Variants in GNPTAB observed in about 807,000 individuals in gnomAD.
The protein encoded by GNPTAB is N-acetylglucosamine-1-phosphate transferase subunits alpha and beta.
A neutral mutation model predicts 136.6 loss-of-function variants in GNPTAB; 92 were observed. The observed-to-expected ratio is 0.67, with a 90% CI of 0.57 to 0.80. GNPTAB has a LOEUF of 0.80. Ranked by LOEUF, GNPTAB falls within the 30% of genes least tolerant of loss-of-function variation. GNPTAB has a pLI of 0.00. For missense variants in GNPTAB, 1,343 were observed against 1,501.8 expected, an observed-to-expected ratio of 0.89 and a Z score of 1.75; for synonymous variants, 512 against 535.1, an observed-to-expected ratio of 0.96 and a Z score of 0.60.
At chr12:101,783,627 G>T (rs1253257608) in intron 5 of GNPTAB, among the ~76,000 whole-genome samples, 5 of 152,214 alleles carry the variant, frequency 3.3e-5, no homozygotes, top group African/African-American at 1.2e-4. Flanking sequence ...GAATATGTGA[G>T]TGCTGAGGTA....
intron 1 of GNPTAB, among the ~76,000 whole-genome samples, chr12:101,806,199 A>G (rs1566095005): frequency 6.6e-6 from 1 of 152,204 alleles, no homozygotes; most frequent in Non-Finnish European, 1.5e-5. Context: ...AATCAAAACT[A>G]TTAGTCTGGA....
At chr12:101,793,359 G>A (rs142775330) in intron 2 of GNPTAB, among the ~76,000 whole-genome samples, 1,990 of 152,256 alleles carry the variant, frequency 0.013, 24 homozygotes, top group Non-Finnish European at 0.02. Flanking sequence ...GGTTAAAGGA[G>A]AGGAGAATTA....
At chr12:101,770,622 C>T in intron 8 of GNPTAB, 37 bp from the exon 9 acceptor site, 1 of 1,419,322 alleles carries the variant, frequency 7.0e-7, no homozygotes, top group Non-Finnish European at 9.9e-7. Flanking sequence ...ATGTGAAATA[C>T]CCCTTAAGTC....
At chr12:101,760,175 G>A in intron 15 of GNPTAB, 32 bp from the exon 16 acceptor site, 4 of 1,298,732 alleles carry the variant, frequency 3.1e-6, no homozygotes, top group Middle Eastern at 1.8e-4. Flanking sequence ...AATCTGTTAT[G>A]CGCATTGTAA....
chr12:101,762,179 C>T (rs1002925475), intron 13 of GNPTAB, among the ~76,000 whole-genome samples: 10 of 152,112 alleles, frequency 6.6e-5, no homozygotes, highest in South Asian at 2.1e-4. Flanking sequence ...GAGTTTTAAG[C>T]GCAAGGACTA....
At chr12:101,816,340 C>G (rs760749629) in intron 1 of GNPTAB, among the ~76,000 whole-genome samples, 5 of 152,106 alleles carry the variant, frequency 3.3e-5, no homozygotes, top group Admixed American at 6.5e-5. Flanking sequence ...TCAAACAACT[C>G]AATGGCATAA....
At chr12:101,759,520 T>C (rs1952960116) in intron 16 of GNPTAB, among the ~76,000 whole-genome samples, 1 of 152,202 alleles carries the variant, frequency 6.6e-6, no homozygotes, top group Non-Finnish European at 1.5e-5. Context: ...TCTATGATTT[T>C]CTTCACATTA....
chr12:101,801,830 G>C (rs1249931217), intron 1 of GNPTAB, among the ~76,000 whole-genome samples: 1 of 152,004 alleles, frequency 6.6e-6, no homozygotes, highest in Admixed American at 6.6e-5. Context: ...ATCGATTGAA[G>C]TCGGGCATTC....
chr12:101,759,780 C>A (rs1952964449), intron 16 of GNPTAB, among the ~76,000 whole-genome samples: 1 of 152,184 alleles, frequency 6.6e-6, no homozygotes, highest in Admixed American at 6.5e-5. Flanking sequence ...TTTTCTGTCA[C>A]CCTTAGTAAA....
At chr12:101,811,261 T>C (rs1164647586) in intron 1 of GNPTAB, among the ~76,000 whole-genome samples, 1 of 152,248 alleles carries the variant, frequency 6.6e-6, no homozygotes, top group Non-Finnish European at 1.5e-5. Context: ...CTGTCTCAGC[T>C]ATTTAATTCT....
At chr12:101,810,705 A>G (rs759827028) in intron 1 of GNPTAB, 1 of 151,758 alleles carries the variant, frequency 6.6e-6, no homozygotes, top group Non-Finnish European at 1.5e-5. Context: ...ATCAACATAC[A>G]ATTTCAGACT....
At chr12:101,826,360 A>C (rs1444992548) in intron 1 of GNPTAB, among the ~76,000 whole-genome samples, 3 of 152,172 alleles carry the variant, frequency 2.0e-5, no homozygotes, top group East Asian at 3.8e-4. Context: ...CCATACCCCC[A>C]CACACAGATA....
chr12:101,766,221 C>T lies in GNPTAB; in HGVS notation c.1482G>A (p.Gln494=), dbSNP rs11111008. The T allele has an allele frequency of 2.5e-3, 4,068 of 1,614,150 alleles. 81 individuals are homozygous for T. In the African/African-American group the frequency reaches 0.049, roughly 19 times the overall value. Residue 494 remains glutamine (Q), a synonymous_variant, in exon 12 of 21, where the codon CAG becomes CAA. Transcript: ENST00000299314. The stretch of plus-strand genomic sequence containing the variant: ...AGACACTGTTTATTCCTCCACCAAA[C>T]TGCCAGGGCTGTCCAACTCCAATAC... ...TGSIGVGQPW[Q]FGGGINSVSY...
chr12:101,750,090 AG>A (rs1952794369), intron 19 of GNPTAB, among the ~76,000 whole-genome samples: 1 of 152,356 alleles, frequency 6.6e-6, no homozygotes, highest in East Asian at 1.9e-4. Flanking sequence ...GACATTCCTG[AG>A]GTAGAATCAA....
Position 101,811,824 on chromosome 12 carries a change from A to G in GNPTAB, c.118-15062T>C, listed in dbSNP as rs1175734629. 2.6e-5 allele frequency among the ~76,000 whole-genome samples: 4 copies of G among 151,738 alleles called. No homozygotes were observed. The East Asian group carries it at 7.8e-4, about 30-fold the overall frequency. ...CAACTAATTTTTGTATTTTTAGTAG[A>G]GATGGGGTTTCACCATGTTGGCCAG... On this transcript the variant is annotated intron_variant, in intron 1 of 20. Transcript: ENST00000299314.
chr12:101,811,119 C>T (rs527578773), intron 1 of GNPTAB, among the ~76,000 whole-genome samples: 13 of 152,308 alleles, frequency 8.5e-5, no homozygotes, highest in Middle Eastern at 6.8e-3. Flanking sequence ...CAACCAAGTC[C>T]AACCCCAATC....
chr12:101,800,604 CAAAAAAAAAAA>C (rs58129963), intron 1 of GNPTAB, among the ~76,000 whole-genome samples: 3 of 74,286 alleles, frequency 4.0e-5, no homozygotes, highest in African/African-American at 5.3e-5. Flanking sequence ...ACTAAAAATA[CAAAAAAAAAAA>C]AAAAAAAAAA....
chr12:101,761,617 A>C lies in GNPTAB; in HGVS notation c.2862T>G (p.Pro954=). 1.9e-6 allele frequency: 3 copies of C among 1,614,208 alleles called. No individual in the cohort carries two copies. Among genetic ancestry groups the C allele is most frequent in the Non-Finnish European group, 2.5e-6 (3 of 1,180,026 alleles). The change falls in exon 14 of 21, where the codon CCT becomes CCG. Residue 954 remains proline (P), a synonymous_variant. Transcript: ENST00000299314. Reference sequence around the variant, plus strand: ...GGTCAATCATGTGAGGCATGTGAGCAGGGACTTTCCGCGATGTGAATCCAA... The same window carrying C: ...GGTCAATCATGTGAGGCATGTGAGCCGGGACTTTCCGCGATGTGAATCCAA... ...SKFGFTSRKV[P]AHMPHMIDRI...
chr12:101,793,009 A>C (rs2137154251), intron 2 of GNPTAB, among the ~76,000 whole-genome samples: 1 of 152,312 alleles, frequency 6.6e-6, no homozygotes, highest in East Asian at 1.9e-4. Context: ...TTTGGGAACC[A>C]CTGATTTATA....
Sources: allele counts gnomAD v4.1 joint callset (sites outside exome capture counted in the v4.1 genomes callset), GRCh38; gene constraint gnomAD v4.1.1; transcripts MANE v1.5; gene names NCBI Gene and HGNC (gene_info 2026-07-23, HGNC 2026-07-21).